Variants in C2orf66 observed in about 807,000 individuals in gnomAD.
C2orf66 encodes uncharacterized protein C2orf66.
In C2orf66, 6 loss-of-function variants were observed where a neutral mutation model predicts 7.0. The ratio of observed to expected loss-of-function variants is 0.86; its 90% CI spans 0.47 to 1.69. C2orf66 has a LOEUF of 1.69. C2orf66 is among the 40% of genes most tolerant of loss of function. The probability of loss-of-function intolerance (pLI) is 0.01; values close to 1 mark genes in which losing one functional copy is unlikely to be tolerated. For synonymous variants in C2orf66, 38 were observed against 43.8 expected (o/e 0.87, Z 0.52); for missense variants, 107 against 112.0 (o/e 0.96, Z 0.20).
At chr2:196,829,259 T>G in the C2orf66 span, among the ~76,000 whole-genome samples, 1 of 152,166 alleles carries the variant, frequency 6.6e-6, no homozygotes, top group Non-Finnish European at 1.5e-5. Context: ...CCCCTAGGTA[T>G]CCAAAGAAAT....
At chr2:196,819,949 A>G in the C2orf66 span, among the ~76,000 whole-genome samples, 1 of 152,180 alleles carries the variant, frequency 6.6e-6, no homozygotes, top group South Asian at 2.1e-4. Flanking sequence ...TATTTGATCT[A>G]TCTCTTGCAC....
rs778381944 is a variant in C2orf66 at position 196,807,428 on chromosome 2, G to C, written c.*15C>G. 7.5e-6 allele frequency: 12 copies of C among 1,598,296 alleles called. No homozygotes were observed. In the African/African-American group the frequency reaches 1.6e-4, roughly 22 times the overall value. On this transcript the variant is annotated 3_prime_UTR_variant, in exon 2 of 3. Transcript: ENST00000342506. The stretch of plus-strand genomic sequence containing the variant: ...GAATAAAGGGCCAACTTTTACCTGA[G>C]CTCAGAAGAAACTTTCAGCCTTTGA...
the C2orf66 span, among the ~76,000 whole-genome samples, chr2:196,826,067 A>G: frequency 6.6e-6 from 1 of 152,242 alleles, no homozygotes; most frequent in East Asian, 1.9e-4. Context: ...ATATAATACC[A>G]GTAATGGAAG....
chr2:196,805,191 C>G lies in C2orf66; in HGVS notation c.*237G>C, dbSNP rs982633062. 1 of 152,088 alleles carries G rather than the reference C, an allele frequency of 6.6e-6. No homozygotes were observed. Among genetic ancestry groups the G allele is most frequent in the Non-Finnish European group, 1.5e-5 (1 of 68,020 alleles). 9.4% of individuals were successfully genotyped at this position (152,088 alleles called of 1,614,324 possible). Reference sequence around the variant, plus strand: ...TCCTACAAATACATGCGGTGCTCTACATCAATATTTATGGTTTCATAGGAA... The same window carrying G: ...TCCTACAAATACATGCGGTGCTCTAGATCAATATTTATGGTTTCATAGGAA... On this transcript the variant is annotated 3_prime_UTR_variant, in exon 3 of 3. Coordinates refer to ENST00000342506, the MANE Select transcript of C2orf66 (RefSeq NM_213608.3).
chr2:196,830,966 G>T, the C2orf66 span, among the ~76,000 whole-genome samples: 5 of 152,114 alleles, frequency 3.3e-5, no homozygotes, highest in African/African-American at 1.2e-4. Context: ...TTCACATAGA[G>T]AATTAAAGCT....
the C2orf66 span, among the ~76,000 whole-genome samples, chr2:196,825,040 C>G: frequency 6.6e-6 from 1 of 151,946 alleles, no homozygotes; most frequent in East Asian, 1.9e-4. Context: ...TCAAGACTAG[C>G]CTGGCTAACA....
upstream of C2orf66, among the ~76,000 whole-genome samples, chr2:196,812,406 T>C (rs1404670593): frequency 5.3e-5 from 8 of 152,186 alleles, no homozygotes; most frequent in Admixed American, 5.2e-4. Flanking sequence ...AAACTTTCAA[T>C]AAACCAGGTA....
At chr2:196,812,476 A>G (rs1275165886), upstream of C2orf66, among the ~76,000 whole-genome samples, 1 of 152,244 alleles carries the variant, frequency 6.6e-6, no homozygotes, top group Non-Finnish European at 1.5e-5. Flanking sequence ...AGTCAATAAC[A>G]TATTGAATGG....
At chr2:196,826,798 C>T in the C2orf66 span, among the ~76,000 whole-genome samples, 7 of 151,918 alleles carry the variant, frequency 4.6e-5, no homozygotes, top group Non-Finnish European at 8.8e-5. Flanking sequence ...TTTGGGAGAC[C>T]GAGGTGGGCA....
At chr2:196,820,060 TGTCCAA>T in the C2orf66 span, among the ~76,000 whole-genome samples, 1 of 152,224 alleles carries the variant, frequency 6.6e-6, no homozygotes, top group Non-Finnish European at 1.5e-5. Context: ...AGAGCTGTTT[TGTCCAA>T]GTCCTGAGAT....
chr2:196,829,350 G>A, the C2orf66 span, among the ~76,000 whole-genome samples: 2 of 152,054 alleles, frequency 1.3e-5, no homozygotes, highest in African/African-American at 4.8e-5. Context: ...AATGCTTTGG[G>A]AGCCGAGGCA....
intron 1 of C2orf66, among the ~76,000 whole-genome samples, 171 bp from the exon 2 acceptor site, chr2:196,807,793 C>T (rs190317942): frequency 1.1e-3 from 173 of 152,322 alleles, no homozygotes; most frequent in African/African-American, 4.0e-3. Flanking sequence ...TCCTCCCCTC[C>T]TCTGTACCTT....
chr2:196,811,552 G>A (rs1021837069), upstream of C2orf66, among the ~76,000 whole-genome samples: 2 of 152,128 alleles, frequency 1.3e-5, no homozygotes, highest in African/African-American at 4.8e-5. Context: ...TAGGTCCGTG[G>A]GTTATGCAGG....
the C2orf66 span, among the ~76,000 whole-genome samples, chr2:196,817,380 G>A: frequency 6.9e-3 from 1,048 of 151,844 alleles, 4 homozygotes; most frequent in Non-Finnish European, 0.01. Context: ...GACCACAGGC[G>A]CCTGCCACCA....
rs750896654 is a variant in C2orf66 at position 196,809,201 on chromosome 2, A to C, written c.123+13T>G. ...GTTCTATCCTGAAACCCAGGCCCCA[A>C]GTGTGTTCTTACCAGATCTCTGTTT... is the stretch of plus-strand genomic sequence containing the variant. On this transcript the variant is annotated intron_variant, in intron 1 of 2. Coordinates refer to ENST00000342506, the MANE Select transcript of C2orf66 (RefSeq NM_213608.3). The C allele has an allele frequency of 8.7e-6, 14 of 1,612,746 alleles. No individual in the cohort carries two copies. The highest frequency in any genetic ancestry group is 1.2e-5 in the Non-Finnish European group (14 of 1,179,180).
At chr2:196,816,798 G>C in the C2orf66 span, among the ~76,000 whole-genome samples, 1 of 152,208 alleles carries the variant, frequency 6.6e-6, no homozygotes, top group Non-Finnish European at 1.5e-5. Flanking sequence ...GGGCTAGAGT[G>C]TAAGCCAATT....
chr2:196,813,814 C>T (rs773618088), upstream of C2orf66, among the ~76,000 whole-genome samples: 8 of 151,914 alleles, frequency 5.3e-5, no homozygotes, highest in African/African-American at 9.7e-5. Context: ...CCTACAAACA[C>T]GAAAAAAAGC....
the C2orf66 span, among the ~76,000 whole-genome samples, chr2:196,828,228 TCTCACACACACA>T: frequency 2.8e-4 from 36 of 127,420 alleles, no homozygotes; most frequent in African/African-American, 1.0e-3. Context: ...TCTCTCTCTC[TCTCACACACACA>T]CACACACACA....
the C2orf66 span, among the ~76,000 whole-genome samples, chr2:196,825,921 A>T: frequency 6.6e-6 from 1 of 152,212 alleles, no homozygotes; most frequent in South Asian, 2.1e-4. Flanking sequence ...TGTTCACTTT[A>T]AGAATAATGT....
Sources: allele counts gnomAD v4.1 joint callset (sites outside exome capture counted in the v4.1 genomes callset), GRCh38; gene constraint gnomAD v4.1.1; transcripts MANE v1.5; gene names NCBI Gene and HGNC (gene_info 2026-07-23, HGNC 2026-07-21).